LY6G5C: variants seen among roughly 807,000 people sequenced by gnomAD.
The protein encoded by LY6G5C is lymphocyte antigen 6 family member G5C, also known as lymphocyte antigen 6 complex locus protein G5c.
LY6G5C carries 6 observed loss-of-function variants against 10.5 expected under a neutral mutation model. The observed-to-expected ratio is 0.57, with a 90% confidence interval of 0.31 to 1.12. LY6G5C has a LOEUF of 1.12. Among genes scored for constraint, LY6G5C ranks in the 50% most tolerant of loss-of-function variants. LY6G5C has a pLI of 0.05. For synonymous variants in LY6G5C, 69 were observed against 67.8 expected (o/e 1.02, Z -0.09); for missense variants, 160 against 185.5 (o/e 0.86, Z 0.80).
Position 31,680,299 on chromosome 6 carries a change from G to A in LY6G5C, c.75C>T (p.Leu25=), listed in dbSNP as rs764439651. 22 of 1,612,810 alleles carry A rather than the reference G, an allele frequency of 1.4e-5. No homozygotes were observed. In the South Asian group the frequency reaches 2.2e-4, roughly 16 times the overall value. Residue 25 remains leucine, a synonymous_variant, in exon 1 of 3, where the codon CTC becomes CTT. Transcript: ENST00000383237. The surrounding 1 kb of genome is among the most constrained non-coding windows in gnomAD (Gnocchi z 4.5). ...CCAGCACTATTAAGAGGACCGTGTAGAGGGCTTGGGGGCTGCTGTGGAAGC... is the reference window on the plus strand; with the variant it reads ...CCAGCACTATTAAGAGGACCGTGTAAAGGGCTTGGGGGCTGCTGTGGAAGC...
At position 31,680,190 on chromosome 6, in the gene LY6G5C, T is replaced by G; in HGVS notation, c.121+63A>C. 1 of 1,594,178 alleles carries G rather than the reference T, an allele frequency of 6.3e-7. No homozygotes were observed. The highest frequency in any genetic ancestry group is 1.1e-5 in the South Asian group (1 of 90,622). ...ATCCTGGACAGGTGTACCCAGACAC[T>G]TGGTGTCTGTGGGTTTCTCCATCCA... On this transcript the variant is annotated intron_variant, in intron 1 of 2. Coordinates refer to ENST00000383237, the Ensembl canonical transcript of LY6G5C. The surrounding 1 kb of genome is among the most constrained non-coding windows in gnomAD (Gnocchi z 4.5).
intron 2 of LY6G5C, among the ~76,000 whole-genome samples, chr6:31,677,807 G>T (rs2151202410): frequency 6.6e-6 from 1 of 152,282 alleles, no homozygotes; most frequent in Non-Finnish European, 1.5e-5. Context: ...TTTGTGCAGG[G>T]TGGAATGTGC....
chr6:31,678,341 G>A (rs571195322), intron 2 of LY6G5C, among the ~76,000 whole-genome samples: 2 of 152,210 alleles, frequency 1.3e-5, no homozygotes, highest in African/African-American at 2.4e-5. Flanking sequence ...AGTGGTATGT[G>A]GCTGCTGGTT....
rs1464137344 is a variant in LY6G5C, at chr6:31,680,219, C to T, written c.121+34G>A. ...TGTCTGTGGGTTTCTCCATCCAGGC[C>T]AGGAGACCCTTCTGAACCCTTGGAG... On this transcript the variant is annotated intron_variant, in intron 1 of 2. Transcript: ENST00000383237. This position sits in a 1 kb window ranked among gnomAD's most constrained non-coding sequence, Gnocchi z 4.5. 2 of 1,612,834 alleles carry T rather than the reference C, an allele frequency of 1.2e-6. No individual in the cohort carries two copies. The highest frequency in any genetic ancestry group is 2.2e-5 in the South Asian group (2 of 91,064).
downstream of LY6G5C, chr6:31,676,731 G>A (rs887741646): frequency 5.2e-5 from 27 of 519,074 alleles, no homozygotes; most frequent in East Asian, 7.8e-4. Context: ...AGGGACTAGG[G>A]GACAAGAGAG....
At position 31,679,242 on chromosome 6, in the gene LY6G5C, G is replaced by A. The variant is rs1264040765; in HGVS notation, c.148C>T (p.Pro50Ser). The stretch of plus-strand genomic sequence containing the variant: ...TTGGGGAATGGAAGTGGTTGAGGGG[G>A]TTCCCAATTGACAGGAACAAACTTA... The change falls in exon 2 of 3, where the codon CCC (proline) becomes TCC (serine). Residue 50 changes from proline to serine, a missense_variant. Coordinates refer to ENST00000383237, the Ensembl canonical transcript of LY6G5C. The surrounding 1 kb of genome is among the most constrained non-coding windows in gnomAD (Gnocchi z 4.4). The A allele has an allele frequency of 6.2e-7, 1 of 1,612,910 alleles. No homozygotes were observed. Among genetic ancestry groups the A allele is most frequent in the Admixed American group, 1.7e-5 (1 of 59,984 alleles).
Position 31,679,383 on chromosome 6 carries a change from C to A in LY6G5C, c.122-115G>T. ...CTCCCTCCCTTCCTGTCTCAGAAAA[C>A]CATCAAAGCCCCAATTCTCTGCTTC... On this transcript the variant is annotated intron_variant, in intron 1 of 2. Coordinates refer to ENST00000383237, the Ensembl canonical transcript of LY6G5C. This position sits in a 1 kb window ranked among gnomAD's most constrained non-coding sequence, Gnocchi z 4.4. The A allele has an allele frequency of 8.8e-7, 1 of 1,132,970 alleles. No individual in the cohort carries two copies. Among genetic ancestry groups the A allele is most frequent in the East Asian group, 2.4e-5 (1 of 41,780 alleles). The allele number at this position is 1,132,970 out of a possible 1,614,324, so 70.2% of individuals were successfully genotyped here.
At position 31,679,223 on chromosome 6, in the gene LY6G5C, A is replaced by G. The variant is rs1314173301; in HGVS notation, c.167T>C (p.Phe56Ser). 6.2e-7 allele frequency: 1 copy of G among 1,612,774 alleles called. No homozygotes were observed. Among genetic ancestry groups the G allele is most frequent in the African/African-American group, 1.3e-5 (1 of 74,840 alleles). Residue 56 changes from phenylalanine (F) to serine (S), a missense_variant, in exon 2 of 3, where the codon TTC becomes TCC. By Grantham distance (155) the Phe-to-Ser change is radical. Coordinates refer to ENST00000383237, the Ensembl canonical transcript of LY6G5C. The surrounding 1 kb of genome is among the most constrained non-coding windows in gnomAD (Gnocchi z 4.4). ...TCGGTAGCAGCGCAGGTATTTGGGG[A>G]ATGGAAGTGGTTGAGGGGGTTCCCA...
exon 3 of LY6G5C, chr6:31,676,886 A>G: frequency 6.7e-7 from 1 of 1,501,590 alleles, no homozygotes; most frequent in South Asian, 1.2e-5. Flanking sequence ...AGTCCTGGCC[A>G]AGCCCAGATA....
chr6:31,676,688 G>A, downstream of LY6G5C: 1 of 478,906 alleles, frequency 2.1e-6, no homozygotes, highest in Non-Finnish European at 3.7e-6. Context: ...ATACCAAACA[G>A]TTTACACACA....
chr6:31,679,182 T>C lies in LY6G5C; in HGVS notation c.208A>G (p.Lys70Glu), dbSNP rs2151204031. 1 of 1,612,978 alleles carries C rather than the reference T, an allele frequency of 6.2e-7. No individual in the cohort carries two copies. Residue 70 changes from lysine to glutamate, a missense_variant, in exon 2 of 3, where the codon AAG (lysine) becomes GAG (glutamate). Lys to Glu is a moderately conservative substitution (Grantham distance 56). Transcript: ENST00000383237. The surrounding 1 kb of genome is among the most constrained non-coding windows in gnomAD (Gnocchi z 4.4). Reference sequence around the variant, plus strand: ...GATCCCAGAAGGCACCCTAACTCCTTGGTCTCCAAGAGGCATCGGTAGCAG... The same window carrying C: ...GATCCCAGAAGGCACCCTAACTCCTCGGTCTCCAAGAGGCATCGGTAGCAG...
intron 2 of LY6G5C, 120 bp downstream of exon 2, chr6:31,678,981 G>T: frequency 2.8e-6 from 3 of 1,062,652 alleles, no homozygotes; most frequent in Non-Finnish European, 4.1e-6. Flanking sequence ...AAAAAAAAAA[G>T]ACAGGATTGG....
chr6:31,679,486 C>G lies in LY6G5C; in HGVS notation c.122-218G>C, dbSNP rs1802765732. 1 of 594,026 alleles carries G rather than the reference C, an allele frequency of 1.7e-6. No homozygotes were observed. The highest frequency in any genetic ancestry group is 1.9e-5 in the African/African-American group (1 of 53,798). The allele number at this position is 594,026 out of a possible 1,614,324, so 36.8% of individuals were successfully genotyped here. On this transcript the variant is annotated intron_variant, in intron 1 of 2. Transcript: ENST00000383237. The surrounding 1 kb of genome is among the most constrained non-coding windows in gnomAD (Gnocchi z 4.4). ...GACCACATGTTAACAAATCCCCAGA[C>G]CCAGCAGAGCACTTGGTGTTAGGCA... is the stretch of plus-strand genomic sequence containing the variant.
At chr6:31,677,398 A>G (rs1288943799) in intron 2 of LY6G5C, among the ~76,000 whole-genome samples, 1 of 152,118 alleles carries the variant, frequency 6.6e-6, no homozygotes, top group African/African-American at 2.4e-5. Flanking sequence ...CATGTGAGAA[A>G]AAGCTGGGAA....
At position 31,679,061 on chromosome 6, in the gene LY6G5C, T is replaced by C; in HGVS notation, c.289+40A>G. 4 of 1,607,268 alleles carry C rather than the reference T, an allele frequency of 2.5e-6. No homozygotes were observed. The highest frequency in any genetic ancestry group is 3.4e-6 in the Non-Finnish European group (4 of 1,174,970). ...TTAGGAGGCTGAGAGAGTTTCCGTT[T>C]GGGAGAGTGCTGGGCCCATGACAGG... On this transcript the variant is annotated intron_variant, in intron 2 of 2. Coordinates refer to ENST00000383237, the Ensembl canonical transcript of LY6G5C. The surrounding 1 kb of genome is among the most constrained non-coding windows in gnomAD (Gnocchi z 4.4).
rs918220777 is a variant in LY6G5C at position 31,679,824 on chromosome 6, G to A, written c.121+429C>T. ...GCACTTTGGGAGGCCAAGGCGGGCA[G>A]GTACCTGAGGTCAGGAGTTCGAGAC... On this transcript the variant is annotated intron_variant, in intron 1 of 2. Coordinates refer to ENST00000383237, the Ensembl canonical transcript of LY6G5C. The surrounding 1 kb of genome is among the most constrained non-coding windows in gnomAD (Gnocchi z 4.4). 3.8e-4 allele frequency: 71 copies of A among 187,296 alleles called. No homozygotes were observed. Among genetic ancestry groups the A allele is most frequent in the Non-Finnish European group, 1.1e-5 (1 of 87,786 alleles). 11.6% of individuals were successfully genotyped at this position (187,296 alleles called of 1,614,324 possible).
intron 2 of LY6G5C, among the ~76,000 whole-genome samples, chr6:31,677,544 T>C (rs1443744782): frequency 1.3e-5 from 2 of 152,228 alleles, no homozygotes; most frequent in African/African-American, 4.8e-5. Flanking sequence ...GAAGTCATGT[T>C]CAGGGATGTT....
In LY6G5C at chr6:31,679,083, CAGG is replaced by C; in HGVS notation, c.289+15_289+17del. The C allele has an allele frequency of 6.2e-7, 1 of 1,612,684 alleles. No homozygotes were observed. The highest frequency in any genetic ancestry group is 8.5e-7 in the Non-Finnish European group (1 of 1,179,804). On this transcript the variant is annotated intron_variant, in intron 2 of 2. Transcript: ENST00000383237. This position sits in a 1 kb window ranked among gnomAD's most constrained non-coding sequence, Gnocchi z 4.4. ...GTTTGGGAGAGTGCTGGGCCCATGACAGGAGAAGGCCACTTACTGTTCTTTTTG... is the reference window on the plus strand; with the variant it reads ...GTTTGGGAGAGTGCTGGGCCCATGACAGAAGGCCACTTACTGTTCTTTTTG...
chr6:31,677,023 T>C, exon 3 of LY6G5C: 1 of 1,612,942 alleles, frequency 6.2e-7, no homozygotes, highest in Non-Finnish European at 8.5e-7. Flanking sequence ...ATTGAGAGAA[T>C]ATCCAGAAGC....
Sources: gnomAD v4.1 joint callset for allele counts (sites outside exome capture counted in the v4.1 genomes callset) on GRCh38, gnomAD v4.1.1 for gene constraint, Gnocchi (gnomAD v3.1) non-coding constraint, MANE v1.5 for transcripts, NCBI Gene and HGNC (gene_info 2026-07-23, HGNC 2026-07-21) for gene names.